Variants in SIN3A observed in about 807,000 individuals in gnomAD.
SIN3A encodes SIN3 transcription regulator family member A, also known as paired amphipathic helix protein Sin3a.
Under a neutral mutation model 146.1 loss-of-function variants are expected in SIN3A, and 14 were observed. The observed-to-expected ratio is 0.10, with a 90% CI of 0.06 to 0.15. SIN3A has a LOEUF of 0.15. SIN3A is among the 10% of genes least tolerant of loss of function. The pLI is 1.00. For missense variants in SIN3A, 1,028 were observed against 1,576.0 expected (o/e 0.65, Z 5.89); for synonymous variants, 572 against 572.0 (o/e 1.00, Z 0.00).
chr15:75,372,250 AC>A, intron 20 of SIN3A, 41 bp from the exon 21 acceptor site: 1 of 1,363,980 alleles, frequency 7.3e-7, no homozygotes, highest in Non-Finnish European at 1.0e-6. Flanking sequence ...ATGAAGCAGA[AC>A]CAAAAAAGAG....
At position 75,412,815 on chromosome 15, in the gene SIN3A, G is replaced by A. The variant is rs1394775881; in HGVS notation, c.704C>T (p.Ala235Val). 4 of 1,609,092 alleles carry A rather than the reference G, an allele frequency of 2.5e-6. No homozygotes were observed. In the South Asian group the frequency reaches 4.4e-5, roughly 18 times the overall value. Residue 235 changes from alanine to valine, a missense_variant, in exon 5 of 21, where the codon GCC becomes GTC. Physicochemically the swap from Ala to Val is moderately conservative, Grantham distance 64. Transcript: ENST00000394947. Reference sequence around the variant, plus strand: ...AGGAGCTGGCTGGGCAGGAGCTGGGGCTGACTGGGCTGAAGGCTGGGAAGG... The same window carrying A: ...AGGAGCTGGCTGGGCAGGAGCTGGGACTGACTGGGCTGAAGGCTGGGAAGG... ...QHPSQPSAQS[A>V]PAPAQPAPQP...
At chr15:75,404,698 T>C (rs1329852828) in intron 9 of SIN3A, among the ~76,000 whole-genome samples, 1 of 150,826 alleles carries the variant, frequency 6.6e-6, no homozygotes, top group Non-Finnish European at 1.5e-5. Context: ...AGGTGGAGGT[T>C]ACAGTGAGCC....
At chr15:75,403,657 C>T (rs1027676816) in intron 9 of SIN3A, among the ~76,000 whole-genome samples, 1 of 151,676 alleles carries the variant, frequency 6.6e-6, no homozygotes, top group Non-Finnish European at 1.5e-5. Flanking sequence ...TCTCCTGCCT[C>T]GGCCTCCCGA....
chr15:75,375,607 C>G (rs1197765899), intron 20 of SIN3A, 58 bp downstream of exon 20: 1 of 1,374,930 alleles, frequency 7.3e-7, no homozygotes, highest in Non-Finnish European at 1.0e-6. Context: ...CTCTGGGCCT[C>G]CCCTGGTCCT....
At chr15:75,450,628 C>T (rs2074386201) in intron 1 of SIN3A, among the ~76,000 whole-genome samples, 1 of 152,230 alleles carries the variant, frequency 6.6e-6, no homozygotes, top group Non-Finnish European at 1.5e-5. Flanking sequence ...GTGCCAGACA[C>T]GCTGCATGGA....
In SIN3A at chr15:75,413,122, T is replaced by A. The variant is rs1221765967; in HGVS notation, c.474-77A>T. The A allele has an allele frequency of 8.2e-6, 12 of 1,458,312 alleles. No homozygotes were observed. In the East Asian group the frequency reaches 3.0e-4, roughly 36 times the overall value. 90.3% of individuals were successfully genotyped at this position (1,458,312 alleles called of 1,614,324 possible). On this transcript the variant is annotated intron_variant, in intron 4 of 20. Coordinates refer to ENST00000394947, the MANE Select transcript of SIN3A (RefSeq NM_001145358.2). ...TGTTAAGAAAAAATTTCATGTTTTT[T>A]TTTCTTTTGAGACGGAGTCTCACTC...
At chr15:75,419,376 T>C (rs2073801189) in intron 3 of SIN3A, 1 of 152,092 alleles carries the variant, frequency 6.6e-6, no homozygotes, top group Admixed American at 6.6e-5. Flanking sequence ...AAAAGAACAG[T>C]TATCAATAAG....
Position 75,392,589 on chromosome 15 carries a change from T to G in SIN3A, c.2504A>C (p.Glu835Ala). 6.2e-7 allele frequency: 1 copy of G among 1,614,114 alleles called. No homozygotes were observed. The highest frequency in any genetic ancestry group is 8.5e-7 in the Non-Finnish European group (1 of 1,180,012). Residue 835 changes from glutamate (E) to alanine (A), a missense_variant, in exon 15 of 21, where the codon GAG (glutamate) becomes GCG (alanine). By Grantham distance (107) the Glu-to-Ala change is moderately radical (BLOSUM62 -1). This residue lies in a region of SIN3A where 488 missense variants were observed against 690.2 expected (regional missense o/e 0.71). Transcript: ENST00000394947. ...FAQRGDLSDV[E>A]EEEEEEMDVD... is the part of the protein sequence containing the mutation. Reference sequence around the variant, plus strand: ...ATCCATCTCTTCTTCTTCCTCTTCCTCCACATCTGAGAGATCACCTCTTTG... The same window carrying G: ...ATCCATCTCTTCTTCTTCCTCTTCCGCCACATCTGAGAGATCACCTCTTTG...
intron 16 of SIN3A, among the ~76,000 whole-genome samples, chr15:75,386,063 C>T (rs1015894036): frequency 1.3e-5 from 2 of 152,202 alleles, no homozygotes; most frequent in Non-Finnish European, 2.9e-5. Context: ...CTCTGTCGCC[C>T]AGGCTGGAGT....
chr15:75,390,669 C>A (rs769304512), intron 15 of SIN3A, among the ~76,000 whole-genome samples: 4 of 152,132 alleles, frequency 2.6e-5, no homozygotes, highest in African/African-American at 9.7e-5. Context: ...AACATAGGTA[C>A]GTCTAGTCTG....
chr15:75,399,817 A>T (rs533855207), intron 12 of SIN3A, among the ~76,000 whole-genome samples: 31 of 152,378 alleles, frequency 2.0e-4, no homozygotes, highest in Admixed American at 9.8e-4. Context: ...ATTTCAGTTA[A>T]AAGGGCTAAA....
upstream of SIN3A, among the ~76,000 whole-genome samples, chr15:75,452,420 A>G (rs2074425687): frequency 6.6e-6 from 1 of 152,238 alleles, no homozygotes; most frequent in South Asian, 2.1e-4. Context: ...GCAGCCCACC[A>G]TGGAGGACTC....
Position 75,371,717 on chromosome 15 carries a change from G to C in SIN3A, c.*262C>G. ...GCAAACTGCATGTCTTTGCTTGCAT[G>C]GACTTCCTTCCCCTCCAGGGCAGGC... On this transcript the variant is annotated 3_prime_UTR_variant, in exon 21 of 21. Transcript: ENST00000394947. 1 of 462,852 alleles carries C rather than the reference G, an allele frequency of 2.2e-6. No individual in the cohort carries two copies. The highest frequency in any genetic ancestry group is 3.7e-5 in the South Asian group (1 of 27,342). The allele number at this position is 462,852 out of a possible 1,614,324, so 28.7% of individuals were successfully genotyped here. A position where few individuals can be genotyped will look rare whatever the true frequency, so the allele number is the denominator to read the frequency against.
intron 1 of SIN3A, among the ~76,000 whole-genome samples, chr15:75,432,418 G>T (rs1195718037): frequency 6.6e-6 from 1 of 152,136 alleles, no homozygotes; most frequent in African/African-American, 2.4e-5. Context: ...CGGATGCAGT[G>T]GCTCACACCT....
At chr15:75,389,560 T>A (rs1490299238) in intron 16 of SIN3A, 92 bp downstream of exon 16, 3 of 1,204,898 alleles carry the variant, frequency 2.5e-6, no homozygotes, top group Non-Finnish European at 3.6e-6. Context: ...AACACTGTTA[T>A]ATGAAAAAGT....
chr15:75,374,103 C>T (rs1008009291), intron 20 of SIN3A, among the ~76,000 whole-genome samples: 1 of 152,180 alleles, frequency 6.6e-6, no homozygotes, highest in Admixed American at 6.5e-5. Flanking sequence ...ACAAAACAAA[C>T]CAAAAAACCC....
At chr15:75,445,997 A>G (rs903278657) in intron 1 of SIN3A, among the ~76,000 whole-genome samples, 2 of 152,178 alleles carry the variant, frequency 1.3e-5, no homozygotes, top group African/African-American at 4.8e-5. Flanking sequence ...CAAATCATTC[A>G]TTCATGTATA....
chr15:75,450,080 A>T (rs943705086), intron 1 of SIN3A, among the ~76,000 whole-genome samples: 1 of 152,150 alleles, frequency 6.6e-6, no homozygotes, highest in Non-Finnish European at 1.5e-5. Flanking sequence ...GCGCCCGTCC[A>T]GGAAACTAAG....
chr15:75,401,782 T>C, intron 10 of SIN3A, 70 bp downstream of exon 10: 4 of 944,906 alleles, frequency 4.2e-6, no homozygotes, highest in Non-Finnish European at 6.8e-6. Flanking sequence ...GCCTATCATA[T>C]ACTCTCACAA....
Sources: gnomAD v4.1 joint callset for allele counts (sites outside exome capture counted in the v4.1 genomes callset) on GRCh38, gnomAD v4.1.1 for gene constraint, gnomAD v4.1.1 regional missense constraint, MANE v1.5 for transcripts, NCBI Gene and HGNC (gene_info 2026-07-23, HGNC 2026-07-21) for gene names.